The following NSMCE2 variants were observed in gnomAD, a reference collection of about 807,000 sequenced individuals.
NSMCE2 encodes the protein NSE2 SUMO ligase component of SMC5/6 complex.
In NSMCE2, 24 loss-of-function variants were observed where a neutral mutation model predicts 23.8. The observed-to-expected ratio is 1.01, with a 90% CI of 0.73 to 1.42. The LOEUF (loss-of-function observed/expected upper bound fraction) is 1.42. Ranked by LOEUF, NSMCE2 falls within the 40% of genes most tolerant of loss-of-function variation. The pLI is 0.00. For missense variants in NSMCE2, 284 were observed against 296.5 expected (o/e 0.96, Z 0.31); for synonymous variants, 92 against 94.1 (o/e 0.98, Z 0.13).
intron 5 of NSMCE2, among the ~76,000 whole-genome samples, chr8:125,266,032 A>G (rs1826896717): frequency 6.6e-6 from 1 of 152,074 alleles, no homozygotes; most frequent in Non-Finnish European, 1.5e-5. Flanking sequence ...TGTGACCCGA[A>G]TAAAGAACAC....
At chr8:125,199,658 T>A (rs1030181830) in intron 5 of NSMCE2, among the ~76,000 whole-genome samples, 1 of 152,302 alleles carries the variant, frequency 6.6e-6, no homozygotes, top group African/African-American at 2.4e-5. Context: ...TTCTGTTGAT[T>A]TGGGGTGGAG....
intron 5 of NSMCE2, among the ~76,000 whole-genome samples, chr8:125,330,095 A>G (rs144150868): frequency 3.9e-4 from 59 of 151,940 alleles, no homozygotes; most frequent in African/African-American, 1.3e-3. Context: ...AGCTTTACAG[A>G]TTCGGGGCAC....
chr8:125,268,099 A>T (rs977024231), intron 5 of NSMCE2, among the ~76,000 whole-genome samples: 2 of 151,388 alleles, frequency 1.3e-5, no homozygotes, highest in African/African-American at 2.4e-5. Context: ...ACTGGGCATG[A>T]TGGTGCCACC....
chr8:125,160,529 CAG>C (rs1228840658), intron 4 of NSMCE2, among the ~76,000 whole-genome samples: 2 of 152,160 alleles, frequency 1.3e-5, no homozygotes, highest in African/African-American at 4.8e-5. Context: ...TGTTCAGAAT[CAG>C]GGGAACTGGG....
intron 5 of NSMCE2, among the ~76,000 whole-genome samples, chr8:125,207,632 A>G (rs1419123776): frequency 6.6e-6 from 1 of 152,182 alleles, no homozygotes; most frequent in African/African-American, 2.4e-5. Flanking sequence ...ACCACCCCAA[A>G]ACGTAGTAGC....
chr8:125,323,889 T>C (rs1397653473), intron 5 of NSMCE2, among the ~76,000 whole-genome samples: 2 of 152,198 alleles, frequency 1.3e-5, no homozygotes, highest in Non-Finnish European at 2.9e-5. Flanking sequence ...GAAATGTTAT[T>C]TTCAAATCAC....
intron 5 of NSMCE2, among the ~76,000 whole-genome samples, chr8:125,225,407 G>A (rs1332848132): frequency 6.6e-6 from 1 of 152,146 alleles, no homozygotes; most frequent in Non-Finnish European, 1.5e-5. Flanking sequence ...AGTCAACACT[G>A]CTAAATAGTT....
At chr8:125,122,487 G>A (rs1819317567) in intron 3 of NSMCE2, among the ~76,000 whole-genome samples, 2 of 152,120 alleles carry the variant, frequency 1.3e-5, no homozygotes, top group Admixed American at 1.3e-4. Flanking sequence ...CAGTCATGGA[G>A]CCTGGTTTAA....
chr8:125,256,878 G>A (rs1300068102), intron 5 of NSMCE2, among the ~76,000 whole-genome samples: 15 of 127,986 alleles, frequency 1.2e-4, no homozygotes, highest in Non-Finnish European at 2.2e-4. Context: ...AGTCGAGATT[G>A]TGCCACTGCA....
intron 4 of NSMCE2, among the ~76,000 whole-genome samples, chr8:125,166,376 T>C (rs1254392952): frequency 6.6e-6 from 1 of 151,976 alleles, no homozygotes; most frequent in Non-Finnish European, 1.5e-5. Flanking sequence ...AAGAGATTCT[T>C]GCGCCTCAGC....
chr8:125,254,341 C>T (rs1231687686), intron 5 of NSMCE2, among the ~76,000 whole-genome samples: 1 of 152,100 alleles, frequency 6.6e-6, no homozygotes, highest in African/African-American at 2.4e-5. Flanking sequence ...AGAAATGGTG[C>T]GTCATCAAAT....
intron 4 of NSMCE2, among the ~76,000 whole-genome samples, chr8:125,165,454 T>C (rs925536386): frequency 2.6e-5 from 4 of 152,212 alleles, no homozygotes; most frequent in Non-Finnish European, 5.9e-5. Flanking sequence ...ATGGGAGAAT[T>C]AAGGAAACTG....
chr8:125,227,529 C>G (rs949121796), intron 5 of NSMCE2, among the ~76,000 whole-genome samples: 1 of 151,974 alleles, frequency 6.6e-6, no homozygotes, highest in Non-Finnish European at 1.5e-5. Flanking sequence ...TTTGTCTAAG[C>G]TATAGCATTA....
At chr8:125,302,839 C>T (rs560820542) in intron 5 of NSMCE2, among the ~76,000 whole-genome samples, 1 of 152,164 alleles carries the variant, frequency 6.6e-6, no homozygotes, top group African/African-American at 2.4e-5. Context: ...CTCCACTTGA[C>T]CACTCTGCAA....
At chr8:125,153,512 C>G (rs564521605) in intron 4 of NSMCE2, among the ~76,000 whole-genome samples, 16 of 152,238 alleles carry the variant, frequency 1.1e-4, no homozygotes, top group Admixed American at 1.0e-3. Context: ...GCTAAGGATA[C>G]TGCTATCTTA....
intron 5 of NSMCE2, among the ~76,000 whole-genome samples, chr8:125,267,603 T>C (rs951543210): frequency 1.3e-5 from 2 of 152,050 alleles, no homozygotes; most frequent in East Asian, 3.9e-4. Flanking sequence ...CTGGGCAACA[T>C]AGGGAGGCCT....
intron 7 of NSMCE2, among the ~76,000 whole-genome samples, chr8:125,360,475 G>T (rs948592854): frequency 1.4e-4 from 22 of 152,204 alleles, no homozygotes; most frequent in African/African-American, 5.3e-4. Flanking sequence ...TGATGCCTTA[G>T]CACCCTGGTG....
intron 5 of NSMCE2, among the ~76,000 whole-genome samples, chr8:125,192,202 A>G (rs1823380512): frequency 2.0e-5 from 3 of 152,184 alleles, no homozygotes; most frequent in Admixed American, 1.3e-4. Flanking sequence ...ACCTAAGAAA[A>G]TAATTATCTT....
At chr8:125,260,645 G>T (rs1334306743) in intron 5 of NSMCE2, among the ~76,000 whole-genome samples, 1 of 150,910 alleles carries the variant, frequency 6.6e-6, no homozygotes, top group Non-Finnish European at 1.5e-5. Context: ...TCTTTTTTGA[G>T]ATGGAGTCTT....
Sources: gnomAD v4.1 joint callset for allele counts (sites outside exome capture counted in the v4.1 genomes callset) on GRCh38, gnomAD v4.1.1 for gene constraint, MANE v1.5 for transcripts, NCBI Gene and HGNC (gene_info 2026-07-23, HGNC 2026-07-21) for gene names.